GLRB: variants seen among roughly 807,000 people sequenced by gnomAD.
GLRB encodes glycine receptor beta, also known as glycine receptor subunit beta.
In GLRB, 33 loss-of-function variants were observed where a neutral mutation model predicts 54.2. That is an observed-to-expected ratio of 0.61 (90% CI 0.46 to 0.81). The LOEUF is 0.81. Ranked by LOEUF, GLRB falls within the 40% of genes least tolerant of loss-of-function variation. The pLI is 0.00. For missense variants in GLRB, 572 were observed against 584.6 expected (o/e 0.98, Z 0.22); for synonymous variants, 209 against 208.2 (o/e 1.00, Z -0.03).
intron 7 of GLRB, among the ~76,000 whole-genome samples, chr4:157,143,276 T>G (rs1206010937): frequency 6.6e-6 from 1 of 152,130 alleles, no homozygotes; most frequent in African/African-American, 2.4e-5. Flanking sequence ...TTGCTAATGT[T>G]TACTTCCAAT....
At chr4:157,155,562 G>T (rs1240547307) in intron 9 of GLRB, among the ~76,000 whole-genome samples, 1 of 152,134 alleles carries the variant, frequency 6.6e-6, no homozygotes, top group Non-Finnish European at 1.5e-5. Context: ...GGATTGTAAG[G>T]TTACAATTCT....
chr4:157,117,274 T>G (rs1735641911), intron 2 of GLRB, among the ~76,000 whole-genome samples: 1 of 151,698 alleles, frequency 6.6e-6, no homozygotes, highest in South Asian at 2.1e-4. Flanking sequence ...CAGGTTTCAT[T>G]CTTGGCTCTA....
intron 4 of GLRB, among the ~76,000 whole-genome samples, chr4:157,129,931 T>A (rs531295678): frequency 4.7e-4 from 72 of 151,784 alleles, no homozygotes; most frequent in African/African-American, 1.7e-3. Flanking sequence ...CATGTTACAC[T>A]ATATGCAGAA....
chr4:157,136,518 T>C lies in GLRB; in HGVS notation c.347T>C (p.Leu116Pro). 2 of 1,613,298 alleles carry C rather than the reference T, an allele frequency of 1.2e-6. No individual in the cohort carries two copies. The highest frequency in any genetic ancestry group is 4.5e-5 in the East Asian group (2 of 44,838). Residue 116 changes from leucine (L) to proline (P), a missense_variant, in exon 5 of 10, where the codon CTG (leucine) becomes CCG (proline). Coordinates refer to ENST00000264428, the MANE Select transcript of GLRB (RefSeq NM_000824.5). ...AGACAAAAATGGAATGACCCCAGGC[T>C]GAAGCTCCCCAGTGATTTTAGGGGT... is the stretch of plus-strand genomic sequence containing the variant. ...FLRQKWNDPR[L>P]KLPSDFRGSD...
intron 2 of GLRB, among the ~76,000 whole-genome samples, chr4:157,114,218 G>A (rs1735521901): frequency 6.6e-6 from 1 of 151,680 alleles, no homozygotes; most frequent in African/African-American, 2.4e-5. Context: ...ATGTGATCAA[G>A]GTTTCACTTC....
In GLRB at chr4:157,125,814, G is replaced by A. The variant is rs148244408; in HGVS notation, c.297+3417G>A. ...AATAAATAAATTAGCTGGGCATGGT[G>A]GTGCACACCAGTAATCCCAGCTACT... On this transcript the variant is annotated intron_variant, in intron 4 of 9. Transcript: ENST00000264428. Among the ~76,000 whole-genome samples, 193 of 151,978 alleles carry A rather than the reference G, an allele frequency of 1.3e-3. 4 individuals are homozygous for A. The East Asian group carries it at 0.032, about 25-fold the overall frequency.
chr4:157,119,172 G>GA (rs1179837569), intron 2 of GLRB, among the ~76,000 whole-genome samples: 1 of 151,474 alleles, frequency 6.6e-6, no homozygotes, highest in African/African-American at 2.4e-5. Flanking sequence ...AATATATATA[G>GA]AAAAGCAATA....
chr4:157,163,319 C>T (rs1276470450), intron 9 of GLRB, among the ~76,000 whole-genome samples: 1 of 152,142 alleles, frequency 6.6e-6, no homozygotes, highest in Admixed American at 6.5e-5. Context: ...CCATGGGCTG[C>T]ACCGACAGTC....
At chr4:157,144,346 G>A (rs920707983) in intron 8 of GLRB, among the ~76,000 whole-genome samples, 2 of 152,112 alleles carry the variant, frequency 1.3e-5, no homozygotes, top group Non-Finnish European at 2.9e-5. Flanking sequence ...TTAGGGAATA[G>A]TAATCTAATT....
intron 2 of GLRB, among the ~76,000 whole-genome samples, chr4:157,092,164 G>C (rs1453765536): frequency 6.6e-6 from 1 of 152,130 alleles, no homozygotes; most frequent in Non-Finnish European, 1.5e-5. Flanking sequence ...TGATTTCTTA[G>C]GGTAATTGAG....
At position 157,170,706 on chromosome 4, in the gene GLRB, T is replaced by C; in HGVS notation, c.1472T>C (p.Ile491Thr). 4 of 1,539,874 alleles carry C rather than the reference T, an allele frequency of 2.6e-6. No individual in the cohort carries two copies. The highest frequency in any genetic ancestry group is 1.4e-5 in the African/African-American group (1 of 72,676). ...TTCTGCTTCTTGTTCTTCAATGTTA[T>C]ATATTGGTCTATATATTTATGATAA... ...FPFCFLFFNV[I>T]YWSIYL The change falls in exon 10 of 10, where the codon ATA becomes ACA. Residue 491 changes from isoleucine to threonine, a missense_variant. By Grantham distance (89) the Ile-to-Thr change is moderately conservative. Transcript: ENST00000264428.
chr4:157,154,996 T>G lies in GLRB; in HGVS notation c.1197+1986T>G, dbSNP rs1007258129. Among the ~76,000 whole-genome samples the G allele has an allele frequency of 1.2e-4, 19 of 152,318 alleles. No homozygotes were observed. The East Asian group carries it at 2.7e-3, about 22-fold the overall frequency. ...ATACATTTAGAGCCACATTATAGTTTTTGCATCACCATCAAATATAATTTA... is the reference window on the plus strand; with the variant it reads ...ATACATTTAGAGCCACATTATAGTTGTTGCATCACCATCAAATATAATTTA... On this transcript the variant is annotated intron_variant, in intron 9 of 9. Coordinates refer to ENST00000264428, the MANE Select transcript of GLRB (RefSeq NM_000824.5).
chr4:157,154,423 CTTTT>C (rs778002566), intron 9 of GLRB, among the ~76,000 whole-genome samples: 2 of 103,458 alleles, frequency 1.9e-5, no homozygotes, highest in African/African-American at 8.3e-5. Flanking sequence ...CTTCTTTTTC[CTTTT>C]TTTTTTTTTT....
rs375935512 is a variant in GLRB at position 157,116,437 on chromosome 4, T to C, written c.123-4119T>C. Reference sequence around the variant, plus strand: ...TAGTCAAATGCATAAAACATTGGACTGAGATTCAGAATATGAAGACTTTAA... The same window carrying C: ...TAGTCAAATGCATAAAACATTGGACCGAGATTCAGAATATGAAGACTTTAA... On this transcript the variant is annotated intron_variant, in intron 2 of 9. Transcript: ENST00000264428. 1.8e-4 allele frequency among the ~76,000 whole-genome samples: 27 copies of C among 151,792 alleles called. No homozygotes were observed. In the East Asian group the frequency reaches 5.1e-3, roughly 28 times the overall value.
chr4:157,144,036 T>G, intron 8 of GLRB, 77 bp downstream of exon 8: 1 of 1,393,504 alleles, frequency 7.2e-7, no homozygotes, highest in Admixed American at 1.7e-5. Flanking sequence ...ATCAACTACT[T>G]TGAAACAATG....
At chr4:157,133,183 A>T (rs62331483) in intron 4 of GLRB, among the ~76,000 whole-genome samples, 21,645 of 151,880 alleles carry the variant, frequency 0.14, 1,710 homozygotes, top group East Asian at 0.28. Context: ...AATAATGTTA[A>T]TAATACATAT....
chr4:157,105,902 G>A lies in GLRB; in HGVS notation c.123-14654G>A, dbSNP rs138423100. Among the ~76,000 whole-genome samples the A allele has an allele frequency of 3.7e-3, 557 of 151,766 alleles. 2 individuals are homozygous for A. The highest frequency in any genetic ancestry group is 6.5e-3 in the Non-Finnish European group (445 of 67,940). On this transcript the variant is annotated intron_variant, in intron 2 of 9. Coordinates refer to ENST00000264428, the MANE Select transcript of GLRB (RefSeq NM_000824.5). ...TTCAGCCTATGTGTATCCTTAAATCGAAAGTAGATCTCTTTTTTAAAAAAA... is the reference window on the plus strand; with the variant it reads ...TTCAGCCTATGTGTATCCTTAAATCAAAAGTAGATCTCTTTTTTAAAAAAA...
intron 2 of GLRB, among the ~76,000 whole-genome samples, chr4:157,105,865 C>A (rs1463705094): frequency 6.6e-6 from 1 of 151,958 alleles, no homozygotes; most frequent in Non-Finnish European, 1.5e-5. Flanking sequence ...TATCTTTTTT[C>A]ATCTCTTTGC....
At chr4:157,145,675 A>T (rs1463396577) in intron 8 of GLRB, among the ~76,000 whole-genome samples, 1 of 152,188 alleles carries the variant, frequency 6.6e-6, no homozygotes, top group African/African-American at 2.4e-5. Context: ...TTGGGAAGAA[A>T]CAGGCACCAA....
Sources: gnomAD v4.1 joint callset for allele counts (sites outside exome capture counted in the v4.1 genomes callset) on GRCh38, gnomAD v4.1.1 for gene constraint, MANE v1.5 for transcripts, NCBI Gene and HGNC (gene_info 2026-07-23, HGNC 2026-07-21) for gene names.